The following GPR39 variants were observed in gnomAD, a reference collection of about 807,000 sequenced individuals.
The protein encoded by GPR39 is zinc sensing receptor.
GPR39 carries 23 observed loss-of-function variants against 18.4 expected under a neutral mutation model. The ratio of observed to expected loss-of-function variants is 1.25; its 90% confidence interval spans 0.90 to 1.77. The LOEUF (loss-of-function observed/expected upper bound fraction) is 1.77. GPR39 is among the 40% of genes most tolerant of loss of function. The probability of loss-of-function intolerance (pLI) is 0.00; values close to 1 mark genes in which losing one functional copy is unlikely to be tolerated. For missense variants in GPR39, 647 were observed against 602.4 expected (o/e 1.07, Z -0.78); for synonymous variants, 280 against 257.9 (o/e 1.09, Z -0.82).
intron 1 of GPR39, among the ~76,000 whole-genome samples, chr2:132,538,979 G>C (rs1454612817): frequency 6.6e-6 from 1 of 152,152 alleles, no homozygotes; most frequent in African/African-American, 2.4e-5. Context: ...TCAAGCCAGT[G>C]GTTCTTAGCT....
chr2:132,626,253 C>T (rs1445603122), intron 1 of GPR39, among the ~76,000 whole-genome samples: 1 of 152,200 alleles, frequency 6.6e-6, no homozygotes, highest in Non-Finnish European at 1.5e-5. Flanking sequence ...GTATTTAAAT[C>T]AACCCATAAG....
At chr2:132,554,065 C>T (rs1420235313) in intron 1 of GPR39, among the ~76,000 whole-genome samples, 2 of 152,282 alleles carry the variant, frequency 1.3e-5, no homozygotes, top group East Asian at 1.9e-4. Flanking sequence ...GAAGTATAGC[C>T]TTCCTCTAAC....
intron 1 of GPR39, among the ~76,000 whole-genome samples, chr2:132,554,614 C>T (rs1680110668): frequency 6.6e-6 from 1 of 152,160 alleles, no homozygotes; most frequent in Non-Finnish European, 1.5e-5. Context: ...CCTGCCCCAT[C>T]AGCAACAAGC....
At chr2:132,630,492 G>A (rs1681630488) in intron 1 of GPR39, among the ~76,000 whole-genome samples, 1 of 152,166 alleles carries the variant, frequency 6.6e-6, no homozygotes, top group Non-Finnish European at 1.5e-5. Context: ...GAATAAGCCT[G>A]GTTAGATCCT....
chr2:132,501,243 T>C (rs919710927), intron 1 of GPR39, among the ~76,000 whole-genome samples: 3 of 152,078 alleles, frequency 2.0e-5, no homozygotes, highest in African/African-American at 7.2e-5. Context: ...AACTTTCCTC[T>C]AGCATGGTTT....
At chr2:132,642,819 A>C (rs1328373247) in intron 1 of GPR39, among the ~76,000 whole-genome samples, 1 of 152,234 alleles carries the variant, frequency 6.6e-6, no homozygotes, top group African/African-American at 2.4e-5. Context: ...TATTCTGGGC[A>C]ATAACTCCTC....
At chr2:132,574,874 T>C (rs918992850) in intron 1 of GPR39, among the ~76,000 whole-genome samples, 1 of 152,252 alleles carries the variant, frequency 6.6e-6, no homozygotes. Flanking sequence ...ATACATTTGC[T>C]TGGTTTAAGA....
intron 1 of GPR39, among the ~76,000 whole-genome samples, chr2:132,576,302 T>C (rs1349142407): frequency 6.6e-6 from 1 of 152,186 alleles, no homozygotes; most frequent in African/African-American, 2.4e-5. Flanking sequence ...AGCAAAAGTT[T>C]TAAATTTTGA....
chr2:132,546,839 CAAAA>C lies in GPR39; in HGVS notation c.857-98239_857-98236del, dbSNP rs60267293. Among the ~76,000 whole-genome samples the C allele has an allele frequency of 5.3e-3, 180 of 33,944 alleles. 1 individual carries two copies. The highest frequency in any genetic ancestry group is 0.015 in the African/African-American group (164 of 11,048). 22.3% of individuals were successfully genotyped at this position (33,944 alleles called of 152,430 possible). On this transcript the variant is annotated intron_variant, in intron 1 of 1. Transcript: ENST00000329321. Reference sequence around the variant, plus strand: ...TCTCCAGGATGCAGTAGCTCCACAGCAAAAAAAAAAAAAAAAAAAAAAAAAAGAG... The same window carrying C: ...TCTCCAGGATGCAGTAGCTCCACAGCAAAAAAAAAAAAAAAAAAAAAAGAG...
intron 1 of GPR39, among the ~76,000 whole-genome samples, chr2:132,635,335 C>T (rs1243909806): frequency 6.6e-6 from 1 of 152,206 alleles, no homozygotes; most frequent in Non-Finnish European, 1.5e-5. Context: ...GCATGTTGCC[C>T]TCCTTGAATT....
At chr2:132,592,584 A>G (rs1327296906) in intron 1 of GPR39, among the ~76,000 whole-genome samples, 2 of 152,148 alleles carry the variant, frequency 1.3e-5, no homozygotes, top group South Asian at 2.1e-4. Flanking sequence ...GAGTGACATG[A>G]TCTGATCTGA....
intron 1 of GPR39, among the ~76,000 whole-genome samples, chr2:132,514,442 G>C (rs993268459): frequency 6.6e-6 from 1 of 152,120 alleles, no homozygotes; most frequent in Non-Finnish European, 1.5e-5. Context: ...AGGGTCACAG[G>C]CTCCCCCGTG....
At chr2:132,549,400 A>G (rs761977398) in intron 1 of GPR39, among the ~76,000 whole-genome samples, 1 of 152,190 alleles carries the variant, frequency 6.6e-6, no homozygotes, top group South Asian at 2.1e-4. Flanking sequence ...TCAGAGTCCC[A>G]GTGTCCATAT....
intron 1 of GPR39, among the ~76,000 whole-genome samples, chr2:132,582,915 C>CTTTTTT (rs5834320): frequency 3.4e-4 from 35 of 101,452 alleles, no homozygotes; most frequent in East Asian, 1.7e-3. Flanking sequence ...TTCTTTCTTT[C>CTTTTTT]TTTTTTTTTT....
In GPR39 at chr2:132,445,972, G is replaced by A. The variant is rs114863444; in HGVS notation, c.856+28074G>A. ...CACAGAGATCAGCACAGGAGACCTC[G>A]CAGGAGAAATGGCAAGCCAGAAGCG... is the stretch of plus-strand genomic sequence containing the variant. On this transcript the variant is annotated intron_variant, in intron 1 of 1. Transcript: ENST00000329321. 9.0e-3 allele frequency among the ~76,000 whole-genome samples: 1,377 copies of A among 152,272 alleles called. 20 individuals carry two copies. The highest frequency in any genetic ancestry group is 0.031 in the African/African-American group (1,277 of 41,536).
chr2:132,614,592 C>T (rs2104853580), intron 1 of GPR39, among the ~76,000 whole-genome samples: 1 of 143,112 alleles, frequency 7.0e-6, no homozygotes, highest in East Asian at 2.2e-4. Flanking sequence ...GCCCTGTTGC[C>T]CAGGCTGGAA....
intron 1 of GPR39, among the ~76,000 whole-genome samples, chr2:132,566,252 G>GT (rs1304758431): frequency 1.4e-4 from 20 of 147,120 alleles, no homozygotes; most frequent in Non-Finnish European, 3.0e-5. Context: ...GGGGTTGTTT[G>GT]TTTTTTTCTT....
chr2:132,528,461 G>A lies in GPR39; in HGVS notation c.856+110563G>A, dbSNP rs577957706. ...ATTTAAAATAGTTTTTTCTAATTCTGTGAAGAATGTCAATGGTAGTTTGAT... is the reference window on the plus strand; with the variant it reads ...ATTTAAAATAGTTTTTTCTAATTCTATGAAGAATGTCAATGGTAGTTTGAT... On this transcript the variant is annotated intron_variant, in intron 1 of 1. Transcript: ENST00000329321. Among the ~76,000 whole-genome samples the A allele has an allele frequency of 1.5e-4, 23 of 152,250 alleles. 1 individual carries two copies. Among genetic ancestry groups the A allele is most frequent in the African/African-American group, 5.3e-4 (22 of 41,556 alleles).
At chr2:132,638,933 C>T (rs777152300) in intron 1 of GPR39, among the ~76,000 whole-genome samples, 2 of 152,116 alleles carry the variant, frequency 1.3e-5, no homozygotes, top group South Asian at 2.1e-4. Context: ...CCTTGCAGCT[C>T]ACAGAAGGTA....
Sources: allele counts gnomAD v4.1 joint callset (sites outside exome capture counted in the v4.1 genomes callset), GRCh38; gene constraint gnomAD v4.1.1; transcripts MANE v1.5; gene names NCBI Gene and HGNC (gene_info 2026-07-23, HGNC 2026-07-21).